The following PKHD1 variants were observed in gnomAD, a reference collection of about 807,000 sequenced individuals.
PKHD1 encodes PKHD1 ciliary IPT domain containing fibrocystin/polyductin.
PKHD1 carries 291 observed loss-of-function variants against 412.0 expected under a neutral mutation model. The ratio of observed to expected loss-of-function variants is 0.71; its 90% CI spans 0.64 to 0.78. The LOEUF (loss-of-function observed/expected upper bound fraction) is 0.78. PKHD1 is among the 30% of genes least tolerant of loss of function. The pLI is 0.00. For missense variants in PKHD1, 4,825 were observed against 4,950.7 expected (o/e 0.97, Z 0.76); for synonymous variants, 1,777 against 1,821.5 (o/e 0.98, Z 0.62).
chr6:51,996,451 C>A lies in PKHD1; in HGVS notation c.5751+13858G>T, dbSNP rs188670150. On this transcript the variant is annotated intron_variant, in intron 35 of 66. Coordinates refer to ENST00000371117, the MANE Select transcript of PKHD1 (RefSeq NM_138694.4). ...TCTTGCATAGAACTGAGTGATCAGC[C>A]ATCCCCGTTGGGAGCTGGTACATCA... Among the ~76,000 whole-genome samples, 11 of 152,226 alleles carry A rather than the reference C, an allele frequency of 7.2e-5. No individual in the cohort carries two copies. The East Asian group carries it at 2.1e-3, about 29-fold the overall frequency.
rs1054774956 is a variant in PKHD1 at position 52,062,667 on chromosome 6, G to C, written c.977-7C>G. On this transcript the variant is annotated splice_polypyrimidine_tract_variant and splice_region_variant and intron_variant, in intron 13 of 66. Coordinates refer to ENST00000371117, the MANE Select transcript of PKHD1 (RefSeq NM_138694.4). ...AAAAGAAGCCCTCGATTGCCTGTAA[G>C]ACATGTAGATCGCATAAACATTACA... The C allele has an allele frequency of 1.4e-5, 23 of 1,613,956 alleles. No individual in the cohort carries two copies. Among genetic ancestry groups the C allele is most frequent in the Non-Finnish European group, 3.4e-6 (4 of 1,179,944 alleles).
intron 36 of PKHD1, among the ~76,000 whole-genome samples, chr6:51,935,647 A>G (rs1266890): frequency 0.7 from 106,957 of 152,058 alleles, 38,118 homozygotes; most frequent in East Asian, 0.94. Context: ...AAGGTCCCTC[A>G]TGATTTGCTA....
At chr6:51,723,456 C>G (rs1309644109) in intron 60 of PKHD1, among the ~76,000 whole-genome samples, 1 of 152,162 alleles carries the variant, frequency 6.6e-6, no homozygotes, top group Non-Finnish European at 1.5e-5. Flanking sequence ...TACCTGGGTA[C>G]TGTCACACAG....
chr6:52,043,793 A>G, intron 25 of PKHD1, 63 bp from the exon 26 acceptor site: 1 of 1,160,438 alleles, frequency 8.6e-7, no homozygotes, highest in East Asian at 2.4e-5. Flanking sequence ...GTATTCATAA[A>G]GTATATGTGA....
intron 52 of PKHD1, among the ~76,000 whole-genome samples, chr6:51,822,875 A>C (rs1766674141): frequency 6.6e-6 from 1 of 152,032 alleles, no homozygotes; most frequent in South Asian, 2.1e-4. Flanking sequence ...TAACCCTATC[A>C]ATTCTGCTTT....
chr6:51,735,557 T>A (rs9474063), intron 60 of PKHD1, among the ~76,000 whole-genome samples: 27,553 of 152,020 alleles, frequency 0.18, 2,743 homozygotes, highest in African/African-American at 0.27. Flanking sequence ...TCTAAAACAG[T>A]TAACACTGAA....
At chr6:51,727,681 C>T (rs75673189) in intron 60 of PKHD1, among the ~76,000 whole-genome samples, 1,828 of 152,278 alleles carry the variant, frequency 0.012, 32 homozygotes, top group South Asian at 0.06. Flanking sequence ...GCTTTCTTCC[C>T]TTTGCTGCTG....
chr6:51,694,959 G>A (rs1021867214), intron 60 of PKHD1, among the ~76,000 whole-genome samples: 1 of 151,926 alleles, frequency 6.6e-6, no homozygotes, highest in Non-Finnish European at 1.5e-5. Flanking sequence ...AAAAAAAATT[G>A]GAAATTCTGC....
At chr6:52,035,770 G>C in intron 27 of PKHD1, 49 bp from the exon 28 acceptor site, 1 of 1,585,718 alleles carries the variant, frequency 6.3e-7, no homozygotes, top group Admixed American at 1.7e-5. Flanking sequence ...CATACAGGCA[G>C]ACAAAAATTA....
intron 53 of PKHD1, among the ~76,000 whole-genome samples, chr6:51,779,789 T>TA (rs35453380): frequency 0.35 from 52,419 of 147,916 alleles, 10,848 homozygotes; most frequent in East Asian, 0.67. Flanking sequence ...CAACTGTTGC[T>TA]AAAAAAAAAA....
At chr6:52,027,115 A>G (rs1325004000) in intron 31 of PKHD1, among the ~76,000 whole-genome samples, 1 of 152,148 alleles carries the variant, frequency 6.6e-6, no homozygotes, top group African/African-American at 2.4e-5. Context: ...CGCAGATTCA[A>G]TCCTCCCCTC....
intron 60 of PKHD1, among the ~76,000 whole-genome samples, chr6:51,676,738 T>A (rs2150536740): frequency 6.6e-6 from 1 of 152,314 alleles, no homozygotes; most frequent in Non-Finnish European, 1.5e-5. Flanking sequence ...ATCTCAAAGC[T>A]GTGCTCCTCA....
chr6:51,744,640 C>T, intron 59 of PKHD1, 98 bp from the exon 60 acceptor site: 3 of 919,698 alleles, frequency 3.3e-6, no homozygotes, highest in Non-Finnish European at 5.3e-6. Flanking sequence ...ATAAATTCAA[C>T]AGATTTTTAT....
intron 60 of PKHD1, among the ~76,000 whole-genome samples, chr6:51,704,855 A>G (rs940027044): frequency 1.3e-5 from 2 of 152,162 alleles, no homozygotes; most frequent in African/African-American, 4.8e-5. Context: ...CTGGGCTTTG[A>G]TAAGATCAGG....
rs1344145755 is a variant in PKHD1, at chr6:52,042,992, T to C, written c.2964A>G (p.Leu988=). The C allele has an allele frequency of 6.2e-7, 1 of 1,614,042 alleles. No individual in the cohort carries two copies. The highest frequency in any genetic ancestry group is 1.7e-5 in the Admixed American group (1 of 60,000). The change falls in exon 27 of 67, where the codon CTA becomes CTG. Residue 988 remains leucine, a synonymous_variant. Transcript: ENST00000371117. ...TCAAGATCCGATGCATTCCAACAGG[T>C]AGCAAATCTGTCTGACAGACTACAT... ...QTNVVCQTDL[L]PVGMHRILML...
chr6:51,892,390 G>A (rs73431521), intron 43 of PKHD1, among the ~76,000 whole-genome samples: 18 of 152,246 alleles, frequency 1.2e-4, no homozygotes, highest in South Asian at 4.1e-4. Context: ...TGTTCCCTAC[G>A]GAACATTTAA....
chr6:51,691,531 T>C (rs1214222210), intron 60 of PKHD1, among the ~76,000 whole-genome samples: 2 of 152,122 alleles, frequency 1.3e-5, no homozygotes, highest in Non-Finnish European at 2.9e-5. Flanking sequence ...TGAAGGCCAT[T>C]ATCCTTAGCA....
intron 11 of PKHD1, among the ~76,000 whole-genome samples, chr6:52,067,312 A>G (rs542136065): frequency 2.2e-4 from 33 of 152,302 alleles, no homozygotes; most frequent in South Asian, 2.1e-4. Flanking sequence ...TTACGTAGAG[A>G]TTAACACATT....
rs1370006102 is a variant in PKHD1, at chr6:51,885,883, C to T, written c.7199G>A (p.Ser2400Asn). Residue 2400 changes from serine to asparagine, a missense_variant, in exon 45 of 67, where the codon AGT becomes AAT. By Grantham distance (46) the Ser-to-Asn change is conservative. Transcript: ENST00000371117. The part of the protein sequence containing the change: ...TLFQSFTVWE[S>N]AGGAQIFRSS... ...AAAGCTTACCTGGGCACCACCTGCA[C>T]TTTCCCAAACTGTGAAGCTCTGGAA... The T allele has an allele frequency of 3.7e-6, 6 of 1,611,132 alleles. No homozygotes were observed. Among genetic ancestry groups the T allele is most frequent in the Non-Finnish European group, 5.1e-6 (6 of 1,177,802 alleles).
Sources: allele counts gnomAD v4.1 joint callset (sites outside exome capture counted in the v4.1 genomes callset), GRCh38; gene constraint gnomAD v4.1.1; transcripts MANE v1.5; gene names NCBI Gene and HGNC (gene_info 2026-07-23, HGNC 2026-07-21).